ERC1: variants seen among roughly 807,000 people sequenced by gnomAD.
ERC1 encodes ELKS/RAB6-interacting/CAST family member 1.
A neutral mutation model predicts 132.0 loss-of-function variants in ERC1; 56 were observed. The ratio of observed to expected loss-of-function variants is 0.42; its 90% CI spans 0.34 to 0.53. ERC1 has a LOEUF of 0.53. ERC1 is among the 20% of genes least tolerant of loss of function. The pLI is 0.03. For synonymous variants in ERC1, 478 were observed against 476.1 expected, an observed-to-expected ratio of 1.00 and a Z score of -0.05; for missense variants, 1,202 against 1,349.9, an observed-to-expected ratio of 0.89 and a Z score of 1.72.
At chr12:1,065,552 T>C (rs1252783502) in intron 2 of ERC1, among the ~76,000 whole-genome samples, 1 of 147,680 alleles carries the variant, frequency 6.8e-6, no homozygotes, top group Non-Finnish European at 1.5e-5. Context: ...TTAAGATCAT[T>C]ATTTTTCATT....
At chr12:1,191,404 A>G (rs1955720639) in intron 12 of ERC1, among the ~76,000 whole-genome samples, 1 of 152,200 alleles carries the variant, frequency 6.6e-6, no homozygotes, top group African/African-American at 2.4e-5. Context: ...ACAGTACTGC[A>G]TAGATACAAA....
chr12:1,000,432 A>G (rs1325329703), intron 1 of ERC1, among the ~76,000 whole-genome samples: 3 of 150,126 alleles, frequency 2.0e-5, no homozygotes, highest in Non-Finnish European at 4.4e-5. Context: ...GTTGCAGTGA[A>G]CTGGGATTAC....
chr12:1,353,726 G>A (rs1276257608), intron 15 of ERC1, among the ~76,000 whole-genome samples: 1 of 152,138 alleles, frequency 6.6e-6, no homozygotes, highest in African/African-American at 2.4e-5. Flanking sequence ...GTTTTGTTTT[G>A]TGTGATCTTG....
At chr12:1,316,380 C>T (rs754773320) in intron 15 of ERC1, among the ~76,000 whole-genome samples, 1 of 152,140 alleles carries the variant, frequency 6.6e-6, no homozygotes, top group Non-Finnish European at 1.5e-5. Context: ...ATTACTGTCA[C>T]ATATACCAGG....
rs1164835307 is a variant in ERC1 at position 1,092,068 on chromosome 12, G to A, written c.1086+8488G>A. ...GGCTGGAGTGCAATGGTGCGATCTC[G>A]GCTCACTGCAACCTGCGCCCCCTGG... On this transcript the variant is annotated intron_variant, in intron 3 of 18. Transcript: ENST00000360905. Among the ~76,000 whole-genome samples the A allele has an allele frequency of 4.0e-5, 6 of 149,464 alleles. 1 individual carries two copies. In the South Asian group the frequency reaches 1.1e-3, roughly 26 times the overall value.
At chr12:1,116,663 A>G (rs1265254763) in intron 7 of ERC1, among the ~76,000 whole-genome samples, 2 of 150,554 alleles carry the variant, frequency 1.3e-5, no homozygotes, top group African/African-American at 2.5e-5. Flanking sequence ...GCTCACCACT[A>G]CCTCCGCCTC....
chr12:1,488,943 G>A (rs1214577072), intron 18 of ERC1, among the ~76,000 whole-genome samples: 1 of 152,120 alleles, frequency 6.6e-6, no homozygotes, highest in Admixed American at 6.5e-5. Flanking sequence ...GCTGCCCTTG[G>A]TGGACTCTTC....
intron 2 of ERC1, among the ~76,000 whole-genome samples, chr12:1,082,262 G>A (rs1312511528): frequency 1.3e-5 from 2 of 151,438 alleles, no homozygotes; most frequent in African/African-American, 2.4e-5. Context: ...TCCTGACCTC[G>A]TGATGTGCCC....
intron 7 of ERC1, among the ~76,000 whole-genome samples, chr12:1,131,791 G>A (rs550919922): frequency 2.6e-5 from 4 of 152,248 alleles, no homozygotes; most frequent in African/African-American, 7.2e-5. Flanking sequence ...GATCAGAAGT[G>A]AGAGGCCAAA....
intron 17 of ERC1, among the ~76,000 whole-genome samples, chr12:1,411,507 G>C (rs1429284871): frequency 1.3e-5 from 2 of 152,118 alleles, no homozygotes; most frequent in African/African-American, 2.4e-5. Flanking sequence ...AAGCTGTCCA[G>C]ATGGCTTTAT....
At chr12:1,411,356 G>T (rs2091834744) in intron 17 of ERC1, among the ~76,000 whole-genome samples, 1 of 152,176 alleles carries the variant, frequency 6.6e-6, no homozygotes, top group Admixed American at 6.5e-5. Flanking sequence ...CTCCCCTGGA[G>T]TCAGTTCTCC....
intron 12 of ERC1, among the ~76,000 whole-genome samples, chr12:1,216,919 G>C (rs1179787330): frequency 6.6e-6 from 1 of 151,992 alleles, no homozygotes; most frequent in Non-Finnish European, 1.5e-5. Flanking sequence ...AAATAATAGA[G>C]GTAGAGGAAG....
At chr12:1,177,783 G>A (rs775968885) in intron 8 of ERC1, among the ~76,000 whole-genome samples, 3 of 152,178 alleles carry the variant, frequency 2.0e-5, no homozygotes, top group Non-Finnish European at 1.5e-5. Context: ...AGACTTGCTC[G>A]ACGCAGGGTT....
intron 17 of ERC1, among the ~76,000 whole-genome samples, chr12:1,424,012 AT>A (rs1384847160): frequency 6.6e-6 from 1 of 152,036 alleles, no homozygotes; most frequent in African/African-American, 2.4e-5. Flanking sequence ...TTGCCAGATA[AT>A]ATGGTTTCGT....
intron 14 of ERC1, among the ~76,000 whole-genome samples, chr12:1,285,785 A>G (rs2079002831): frequency 6.6e-6 from 1 of 152,216 alleles, no homozygotes. Context: ...ATCACTCAAC[A>G]ACATATTTAA....
chr12:1,389,820 G>T (rs1333352354), intron 16 of ERC1, among the ~76,000 whole-genome samples: 1 of 152,088 alleles, frequency 6.6e-6, no homozygotes, highest in Admixed American at 6.5e-5. Flanking sequence ...TAATTCCCGG[G>T]TATTTTGCCT....
At chr12:1,189,776 G>T in intron 11 of ERC1, 83 bp from the exon 12 acceptor site, 1 of 1,064,226 alleles carries the variant, frequency 9.4e-7, no homozygotes, top group Non-Finnish European at 1.3e-6. Flanking sequence ...TACTTAAATT[G>T]GAATATAAAT....
Position 1,484,178 on chromosome 12 carries a change from A to G in ERC1, c.3214-5915A>G, listed in dbSNP as rs186408987. ...AAATTAGCCGAGCGTGGTAGCGGGC[A>G]CCTGTAGTCCCAGCTACTCGGGAGG... On this transcript the variant is annotated intron_variant, in intron 18 of 18. Transcript: ENST00000360905. Among the ~76,000 whole-genome samples, 62 of 151,850 alleles carry G rather than the reference A, an allele frequency of 4.1e-4. 1 individual carries two copies. Among genetic ancestry groups the G allele is most frequent in the Middle Eastern group, 3.4e-3 (1 of 292 alleles).
intron 16 of ERC1, among the ~76,000 whole-genome samples, chr12:1,405,617 C>T (rs1272503624): frequency 1.3e-5 from 2 of 152,094 alleles, no homozygotes; most frequent in African/African-American, 4.8e-5. Context: ...GCAGGAGAAT[C>T]ACTTGAACCC....
Sources: allele counts gnomAD v4.1 joint callset (sites outside exome capture counted in the v4.1 genomes callset), GRCh38; gene constraint gnomAD v4.1.1; transcripts MANE v1.5; gene names NCBI Gene and HGNC (gene_info 2026-07-23, HGNC 2026-07-21).